Variants in GSPT1 observed in about 807,000 individuals in gnomAD.
The protein encoded by GSPT1 is eukaryotic peptide chain release factor GTP-binding subunit ERF3A.
In GSPT1, 20 loss-of-function variants were observed where a neutral mutation model predicts 72.5. The observed-to-expected ratio is 0.28, with a 90% confidence interval of 0.19 to 0.40. The LOEUF (loss-of-function observed/expected upper bound fraction) is 0.40, where lower values mean the gene tolerates loss of function less well. Among genes scored for constraint, GSPT1 ranks in the 10% least tolerant of loss-of-function variants. The probability of loss-of-function intolerance (pLI) is 1.00; values close to 1 mark genes in which losing one functional copy is unlikely to be tolerated. For synonymous variants in GSPT1, 334 were observed against 293.5 expected (o/e 1.14, Z -1.41); for missense variants, 580 against 811.9 (o/e 0.71, Z 3.47).
intron 14 of GSPT1, among the ~76,000 whole-genome samples, 179 bp from the exon 15 acceptor site, chr16:11,873,350 T>TG (rs981157628): frequency 3.9e-5 from 6 of 152,068 alleles, no homozygotes; most frequent in Non-Finnish European, 8.8e-5. Context: ...GGGTCTTATT[T>TG]GGGGGGGCTG....
chr16:11,903,016 T>C (rs1369089925), intron 1 of GSPT1, among the ~76,000 whole-genome samples: 1 of 151,874 alleles, frequency 6.6e-6, no homozygotes, highest in African/African-American at 2.4e-5. Context: ...CGCGCCCGGC[T>C]TCCAAGACAT....
At chr16:11,894,059 G>C (rs764913995) in intron 5 of GSPT1, among the ~76,000 whole-genome samples, 1 of 148,604 alleles carries the variant, frequency 6.7e-6, no homozygotes, top group African/African-American at 2.5e-5. Flanking sequence ...GGGAGGCTGA[G>C]GTGGAAGGAT....
At chr16:11,910,912 T>G (rs911932122) in intron 1 of GSPT1, among the ~76,000 whole-genome samples, 9 of 152,238 alleles carry the variant, frequency 5.9e-5, no homozygotes, top group African/African-American at 1.9e-4. Context: ...ATGCCTTCGC[T>G]TCTTCCCTAA....
At position 11,899,227 on chromosome 16, in the gene GSPT1, T is replaced by C. The variant is rs575684603; in HGVS notation, c.353-1192A>G. Among the ~76,000 whole-genome samples the C allele has an allele frequency of 2.6e-5, 4 of 152,296 alleles. 1 individual carries two copies. The South Asian group carries it at 6.2e-4, about 24-fold the overall frequency. ...ATTGCCCGGAAAGGATCAATACCTG[T>C]AAGAGTCAAGAGAAAGTGTTTTGGG... On this transcript the variant is annotated intron_variant, in intron 1 of 14. Transcript: ENST00000434724.
chr16:11,906,841 A>C (rs1244409182), intron 1 of GSPT1, among the ~76,000 whole-genome samples: 1 of 152,126 alleles, frequency 6.6e-6, no homozygotes, highest in Non-Finnish European at 1.5e-5. Flanking sequence ...TATTTCTTGA[A>C]TTTTTTTAAT....
intron 5 of GSPT1, among the ~76,000 whole-genome samples, chr16:11,894,468 A>C (rs1314676370): frequency 6.6e-6 from 1 of 152,100 alleles, no homozygotes; most frequent in Non-Finnish European, 1.5e-5. Flanking sequence ...TGAGGAAAAA[A>C]CAGTTCCCCC....
chr16:11,902,915 A>G (rs57096949), intron 1 of GSPT1, among the ~76,000 whole-genome samples: 3 of 151,924 alleles, frequency 2.0e-5, no homozygotes, highest in African/African-American at 4.8e-5. Context: ...TGGTGTTTCA[A>G]TAGGTTCCCC....
rs2053956171 is a variant in GSPT1 at position 11,869,558 on chromosome 16, A to G, written c.*3561T>C. ...CCTAAAATCAGAGCTATAGTGCTATAACCACATTTTTCACAAAGGGTTTTA... is the reference window on the plus strand; with the variant it reads ...CCTAAAATCAGAGCTATAGTGCTATGACCACATTTTTCACAAAGGGTTTTA... On this transcript the variant is annotated 3_prime_UTR_variant, in exon 15 of 15. Coordinates refer to ENST00000434724, the MANE Select transcript of GSPT1 (RefSeq NM_002094.4). The G allele has an allele frequency of 6.6e-6, 1 of 152,244 alleles. No individual in the cohort carries two copies. 9.4% of individuals were successfully genotyped at this position (152,244 alleles called of 1,614,324 possible).
In GSPT1 at chr16:11,869,867, A is replaced by C. The variant is rs770250430; in HGVS notation, c.*3252T>G. The C allele has an allele frequency of 2.0e-5, 3 of 152,242 alleles. No homozygotes were observed. The highest frequency in any genetic ancestry group is 6.5e-5 in the Admixed American group (1 of 15,282). The allele number at this position is 152,242 out of a possible 1,614,324, so 9.4% of individuals were successfully genotyped here. On this transcript the variant is annotated 3_prime_UTR_variant, in exon 15 of 15. Coordinates refer to ENST00000434724, the MANE Select transcript of GSPT1 (RefSeq NM_002094.4). Reference sequence around the variant, plus strand: ...GGAGCAGTTTTTGATCATAGGTTCAACTTTTTTCTTGGGTTGCAAAACTGC... The same window carrying C: ...GGAGCAGTTTTTGATCATAGGTTCACCTTTTTTCTTGGGTTGCAAAACTGC...
chr16:11,876,047 A>C (rs1164920070), intron 13 of GSPT1, 39 bp downstream of exon 13: 1 of 1,474,344 alleles, frequency 6.8e-7, no homozygotes, highest in Non-Finnish European at 9.5e-7. Context: ...AAGATAAAAC[A>C]GTATTAAAAC....
In GSPT1 at chr16:11,875,845, C is replaced by T. The variant is rs765293225; in HGVS notation, c.1777G>A (p.Ala593Thr). Residue 593 changes from alanine (A) to threonine (T), a missense_variant, in exon 14 of 15, where the codon GCT becomes ACT. Coordinates refer to ENST00000434724, the MANE Select transcript of GSPT1 (RefSeq NM_002094.4). ...RFVKQDQVCI[A>T]RLRTAGTICL... is the part of the protein sequence containing the mutation. ...ATGGTTCCTGCTGTCCTTAAGCGAG[C>T]AATGCATACTTGATCTTGTTTGACA... 1.2e-6 allele frequency: 2 copies of T among 1,613,516 alleles called. No homozygotes were observed. The highest frequency in any genetic ancestry group is 1.7e-6 in the Non-Finnish European group (2 of 1,179,646).
intron 6 of GSPT1, among the ~76,000 whole-genome samples, chr16:11,887,959 C>T (rs1053057848): frequency 5.9e-5 from 9 of 151,352 alleles, no homozygotes; most frequent in Non-Finnish European, 8.8e-5. Context: ...GTCAGGGGTT[C>T]GACACCAGCC....
Position 11,870,576 on chromosome 16 carries a change from C to T in GSPT1, c.*2543G>A, listed in dbSNP as rs2053967451. On this transcript the variant is annotated 3_prime_UTR_variant, in exon 15 of 15. Transcript: ENST00000434724. ...AATGACAGCATAGGAATTTGTATTG[C>T]TCTATAACGGTCCAACATCTCCACA... The T allele has an allele frequency of 6.6e-6, 1 of 152,190 alleles. No individual in the cohort carries two copies. Among genetic ancestry groups the T allele is most frequent in the African/African-American group, 2.4e-5 (1 of 41,418 alleles). The allele number at this position is 152,190 out of a possible 1,614,324, so 9.4% of individuals were successfully genotyped here. A position where few individuals can be genotyped will look rare whatever the true frequency, so the allele number is the denominator to read the frequency against.
At chr16:11,892,531 A>AAAAAAAAAAAAAAAAAAAAAG (rs1567443313) in intron 5 of GSPT1, among the ~76,000 whole-genome samples, 1 of 139,864 alleles carries the variant, frequency 7.1e-6, no homozygotes. Flanking sequence ...AACAAAAAAA[A>AAAAAAAAAAAAAAAAAAAAAG]CAAAAAATAA....
chr16:11,915,715 A>G lies in GSPT1; in HGVS notation c.6T>C (p.Asp2=). 1 of 1,502,236 alleles carries G rather than the reference A, an allele frequency of 6.7e-7. No individual in the cohort carries two copies. The highest frequency in any genetic ancestry group is 8.8e-7 in the Non-Finnish European group (1 of 1,132,478). The allele number at this position is 1,502,236 out of a possible 1,614,324, so 93.1% of individuals were successfully genotyped here. The change falls in exon 1 of 15, where the codon GAT becomes GAC. Residue 2 remains aspartate, a synonymous_variant. Coordinates refer to ENST00000434724, the MANE Select transcript of GSPT1 (RefSeq NM_002094.4). The part of the protein sequence containing the change: M[D]PGSGGGGGGG... ...CGCCGCCGCCGCCGCCACTGCCCGG[A>G]TCCATGATCGGGGGGGCCGTGTGTG...
chr16:11,892,398 CTTTGGGAAGCTGA>C (rs1453382852), intron 5 of GSPT1, among the ~76,000 whole-genome samples: 1 of 149,908 alleles, frequency 6.7e-6, no homozygotes, highest in Non-Finnish European at 1.5e-5. Context: ...AATCTCAGCA[CTTTGGGAAGCTGA>C]GTTGGGAGGA....
At chr16:11,883,531 A>T (rs1321589050) in intron 10 of GSPT1, among the ~76,000 whole-genome samples, 5 of 151,240 alleles carry the variant, frequency 3.3e-5, no homozygotes, top group Admixed American at 2.0e-4. Flanking sequence ...GAAGCAGAAG[A>T]ATCGCTTGAA....
chr16:11,889,757 C>T (rs1269152031), intron 6 of GSPT1, among the ~76,000 whole-genome samples: 1 of 151,722 alleles, frequency 6.6e-6, no homozygotes, highest in Non-Finnish European at 1.5e-5. Context: ...CCGCCTGCCT[C>T]GGCCTCCCAA....
At chr16:11,901,215 C>T (rs1377908860) in intron 1 of GSPT1, among the ~76,000 whole-genome samples, 6 of 152,018 alleles carry the variant, frequency 3.9e-5, no homozygotes, top group Admixed American at 2.0e-4. Flanking sequence ...CACAGTAAAC[C>T]TTTACTTGTT....
Sources: allele counts gnomAD v4.1 joint callset (sites outside exome capture counted in the v4.1 genomes callset), GRCh38; gene constraint gnomAD v4.1.1; transcripts MANE v1.5; gene names NCBI Gene and HGNC (gene_info 2026-07-23, HGNC 2026-07-21).